The following SV2C variants were observed in gnomAD, a reference collection of about 807,000 sequenced individuals.
The protein encoded by SV2C is synaptic vesicle glycoprotein 2C, also known as solute carrier family 22 member B3.
Under a neutral mutation model 79.7 loss-of-function variants are expected in SV2C, and 49 were observed. The ratio of observed to expected loss-of-function variants is 0.61; its 90% confidence interval spans 0.49 to 0.78. SV2C has a LOEUF of 0.78. Ranked by LOEUF, SV2C falls within the 30% of genes least tolerant of loss-of-function variation. The probability of loss-of-function intolerance (pLI) is 0.00; values close to 1 mark genes in which losing one functional copy is unlikely to be tolerated. For synonymous variants in SV2C, 334 were observed against 333.2 expected, an observed-to-expected ratio of 1.00 and a Z score of -0.03; for missense variants, 833 against 912.9, an observed-to-expected ratio of 0.91 and a Z score of 1.13.
the SV2C span, among the ~76,000 whole-genome samples, chr5:75,971,985 C>G: frequency 6.6e-5 from 10 of 152,024 alleles, no homozygotes; most frequent in Non-Finnish European, 8.8e-5. Flanking sequence ...GAGATACAGA[C>G]TAATGGAACA....
the SV2C span, among the ~76,000 whole-genome samples, chr5:75,947,297 T>A: frequency 1.3e-5 from 2 of 152,064 alleles, no homozygotes; most frequent in Admixed American, 6.6e-5. Flanking sequence ...CTCCAAATTA[T>A]GTCTTTGGAG....
chr5:76,300,156 A>AATTATTATT (rs142593511), intron 10 of SV2C, among the ~76,000 whole-genome samples: 30,398 of 139,426 alleles, frequency 0.22, 3,472 homozygotes, highest in Middle Eastern at 0.28. Flanking sequence ...TCAAATAAAA[A>AATTATTATT]ATTATTATTA....
At chr5:76,089,356 T>C (rs547285571) in intron 1 of SV2C, among the ~76,000 whole-genome samples, 5 of 152,344 alleles carry the variant, frequency 3.3e-5, no homozygotes, top group African/African-American at 1.2e-4. Flanking sequence ...AAGGACATGA[T>C]CTCATTCCTT....
the SV2C span, among the ~76,000 whole-genome samples, chr5:75,873,196 T>C: frequency 1.2e-3 from 185 of 152,214 alleles, 2 homozygotes; most frequent in African/African-American, 4.2e-3. Flanking sequence ...AATGAATTCA[T>C]GAATACATGA....
the SV2C span, among the ~76,000 whole-genome samples, chr5:75,946,702 T>C: frequency 7.2e-5 from 11 of 152,056 alleles, no homozygotes; most frequent in African/African-American, 2.7e-4. Flanking sequence ...ATTTCATTCG[T>C]ATAACATTCT....
intron 12 of SV2C, among the ~76,000 whole-genome samples, chr5:76,343,881 C>T (rs571206614): frequency 1.2e-4 from 19 of 152,116 alleles, no homozygotes; most frequent in African/African-American, 2.7e-4. Context: ...ATTAACTAGG[C>T]GTAGTGGCAC....
intron 4 of SV2C, among the ~76,000 whole-genome samples, chr5:76,263,374 G>T (rs1746546362): frequency 6.6e-6 from 1 of 151,814 alleles, no homozygotes. Context: ...ATGTGAGATG[G>T]GTCTCCTGAA....
chr5:76,112,225 G>A (rs1239810768), intron 1 of SV2C, among the ~76,000 whole-genome samples: 1 of 152,182 alleles, frequency 6.6e-6, no homozygotes, highest in East Asian at 1.9e-4. Context: ...GAGATGATAA[G>A]AAAAATGGCA....
chr5:76,235,710 A>G (rs1698802824), intron 4 of SV2C, among the ~76,000 whole-genome samples: 2 of 152,210 alleles, frequency 1.3e-5, no homozygotes, highest in Non-Finnish European at 2.9e-5. Context: ...TTTCAAGCAT[A>G]ATAAAACATC....
At chr5:76,230,046 T>G (rs1745366024) in intron 4 of SV2C, among the ~76,000 whole-genome samples, 1 of 152,184 alleles carries the variant, frequency 6.6e-6, no homozygotes, top group Non-Finnish European at 1.5e-5. Flanking sequence ...TGTCTGTCCA[T>G]CACTACGGGA....
Position 76,327,252 on chromosome 5 carries a change from A to AGGG in SV2C, c.*1709_*1711dup, listed in dbSNP as rs942449993. 6.6e-6 allele frequency: 1 copy of AGGG among 152,038 alleles called. No homozygotes were observed. Among genetic ancestry groups the AGGG allele is most frequent in the African/African-American group, 2.4e-5 (1 of 41,360 alleles). The allele number at this position is 152,038 out of a possible 1,614,324, so 9.4% of individuals were successfully genotyped here. A position where few individuals can be genotyped will look rare whatever the true frequency, so the allele number is the denominator to read the frequency against. ...CCCTTGAAGTAATTCAGGTCTGCAGAGGGGGGAAGACTGGTGTTGGGGGCA... is the reference window on the plus strand; with the variant it reads ...CCCTTGAAGTAATTCAGGTCTGCAGAGGGGGGGGGAAGACTGGTGTTGGGGGCA... On this transcript the variant is annotated 3_prime_UTR_variant, in exon 13 of 13. Transcript: ENST00000502798.
At chr5:76,285,120 T>G in intron 4 of SV2C, 42 bp from the exon 5 acceptor site, 1 of 1,608,956 alleles carries the variant, frequency 6.2e-7, no homozygotes, top group Non-Finnish European at 8.5e-7. Flanking sequence ...GGAGGCTGTC[T>G]GGGAGGAGCT....
intron 4 of SV2C, among the ~76,000 whole-genome samples, chr5:76,213,867 C>G (rs1744839617): frequency 6.6e-6 from 1 of 152,152 alleles, no homozygotes; most frequent in South Asian, 2.1e-4. Flanking sequence ...TGACCAACAT[C>G]TCCCCCCATC....
At chr5:76,224,308 A>G (rs547432925) in intron 4 of SV2C, among the ~76,000 whole-genome samples, 60 of 152,216 alleles carry the variant, frequency 3.9e-4, no homozygotes, top group Non-Finnish European at 7.9e-4. Context: ...AGAACGCCCC[A>G]TCTCATTTTC....
intron 12 of SV2C, among the ~76,000 whole-genome samples, chr5:76,305,704 C>CAA (rs903855892): frequency 2.0e-5 from 3 of 151,620 alleles, no homozygotes; most frequent in African/African-American, 7.3e-5. Context: ...TTTTCTGTGC[C>CAA]AAAAAAAATG....
the SV2C span, among the ~76,000 whole-genome samples, chr5:75,919,452 A>C: frequency 6.6e-6 from 1 of 152,220 alleles, no homozygotes. Context: ...ATTAAATGCA[A>C]TTCTTTCCCA....
chr5:76,186,365 A>G lies in SV2C; in HGVS notation c.581-8554A>G, dbSNP rs149192727. ...TGTATTAGTCCATTCTCACACTGCT[A>G]TGAAAAAATACCCAAGACTGAGTAA... On this transcript the variant is annotated intron_variant, in intron 2 of 12. Coordinates refer to ENST00000502798, the MANE Select transcript of SV2C (RefSeq NM_014979.4). 1.4e-3 allele frequency among the ~76,000 whole-genome samples: 212 copies of G among 152,298 alleles called. 3 individuals are homozygous for G. In the East Asian group the frequency reaches 0.039, roughly 28 times the overall value.
chr5:76,348,270 A>T (rs1189285981), intron 12 of SV2C, among the ~76,000 whole-genome samples: 1 of 152,056 alleles, frequency 6.6e-6, no homozygotes, highest in Admixed American at 6.6e-5. Context: ...TTGATACCTC[A>T]TTTCTTTTTA....
the SV2C span, among the ~76,000 whole-genome samples, chr5:76,014,750 G>T: frequency 6.6e-6 from 1 of 152,076 alleles, no homozygotes; most frequent in Non-Finnish European, 1.5e-5. Context: ...TACTTGATCA[G>T]CTTAACTTAA....
Sources: allele counts gnomAD v4.1 joint callset (sites outside exome capture counted in the v4.1 genomes callset), GRCh38; gene constraint gnomAD v4.1.1; transcripts MANE v1.5; gene names NCBI Gene and HGNC (gene_info 2026-07-23, HGNC 2026-07-21).